The following RASSF8 variants were observed in gnomAD, a reference collection of about 807,000 sequenced individuals.
RASSF8 encodes ras association domain-containing protein 8.
In RASSF8, 22 loss-of-function variants were observed where a neutral mutation model predicts 48.5. That is an observed-to-expected ratio of 0.45 (90% CI 0.32 to 0.65). The LOEUF is 0.65. Ranked by LOEUF, RASSF8 falls within the 30% of genes least tolerant of loss-of-function variation. The pLI is 0.03. For synonymous variants in RASSF8, 127 were observed against 171.5 expected, an observed-to-expected ratio of 0.74 and a Z score of 2.03; for missense variants, 418 against 489.2, an observed-to-expected ratio of 0.85 and a Z score of 1.37.
intron 2 of RASSF8, among the ~76,000 whole-genome samples, chr12:26,047,641 C>T (rs1213984981): frequency 6.6e-6 from 1 of 152,026 alleles, no homozygotes; most frequent in Non-Finnish European, 1.5e-5. Context: ...CTATGAAAGG[C>T]GAGACATATT....
chr12:26,037,150 C>T (rs1943170762), intron 2 of RASSF8, among the ~76,000 whole-genome samples: 1 of 152,142 alleles, frequency 6.6e-6, no homozygotes, highest in Non-Finnish European at 1.5e-5. Flanking sequence ...AATTGCTTGA[C>T]AGTGCTGTAC....
chr12:26,077,504 A>G (rs1029083633), downstream of RASSF8, among the ~76,000 whole-genome samples: 1 of 152,200 alleles, frequency 6.6e-6, no homozygotes, highest in African/African-American at 2.4e-5. Context: ...TCCCAGCACC[A>G]TTTATTAAAT....
chr12:25,980,307 C>T (rs940621879), intron 1 of RASSF8, among the ~76,000 whole-genome samples: 2 of 152,086 alleles, frequency 1.3e-5, no homozygotes, highest in South Asian at 4.1e-4. Context: ...TGACTCTTTC[C>T]GTAATCTATT....
intron 2 of RASSF8, among the ~76,000 whole-genome samples, chr12:26,025,916 T>C (rs1942902705): frequency 6.6e-6 from 1 of 152,128 alleles, no homozygotes. Context: ...CATCTCATGT[T>C]CATGGATCTG....
chr12:26,025,080 C>G (rs952431883), intron 2 of RASSF8, among the ~76,000 whole-genome samples: 1 of 152,110 alleles, frequency 6.6e-6, no homozygotes, highest in Non-Finnish European at 1.5e-5. Context: ...AAACATTCAA[C>G]AAACTAGGAA....
intron 3 of RASSF8, among the ~76,000 whole-genome samples, chr12:26,057,049 G>A (rs1172883865): frequency 1.3e-5 from 2 of 151,792 alleles, no homozygotes; most frequent in Non-Finnish European, 2.9e-5. Flanking sequence ...TTTTACAAAA[G>A]TCAAGGTAGT....
chr12:25,993,028 T>C lies in RASSF8; in HGVS notation c.-202-2009T>C, dbSNP rs527771356. On this transcript the variant is annotated intron_variant, in intron 1 of 5. Coordinates refer to ENST00000689635, the MANE Select transcript of RASSF8 (RefSeq NM_001394098.1). ...TTGAGTAGTTAGGAGGTTGTAGGAATCAATGGGGAGCTGAGGGTGGGGGGC... is the reference window on the plus strand; with the variant it reads ...TTGAGTAGTTAGGAGGTTGTAGGAACCAATGGGGAGCTGAGGGTGGGGGGC... Among the ~76,000 whole-genome samples the C allele has an allele frequency of 3.2e-4, 48 of 152,232 alleles. No homozygotes were observed. In the South Asian group the frequency reaches 9.8e-3, roughly 31 times the overall value.
At chr12:26,031,059 C>G (rs1592286590) in intron 2 of RASSF8, among the ~76,000 whole-genome samples, 1 of 152,290 alleles carries the variant, frequency 6.6e-6, no homozygotes, top group East Asian at 1.9e-4. Flanking sequence ...GCAGCTTTTA[C>G]TGCTGCAGCT....
chr12:25,976,227 C>G (rs1195164900), intron 1 of RASSF8, among the ~76,000 whole-genome samples: 3 of 152,166 alleles, frequency 2.0e-5, no homozygotes, highest in Non-Finnish European at 4.4e-5. Flanking sequence ...CTGTAACCCT[C>G]CGCTTAAGGA....
At chr12:25,965,035 C>T (rs573417775) in intron 1 of RASSF8, among the ~76,000 whole-genome samples, 2 of 151,724 alleles carry the variant, frequency 1.3e-5, no homozygotes, top group South Asian at 2.1e-4. Context: ...CTCCGCCTCC[C>T]GGGTTCATGC....
intron 2 of RASSF8, among the ~76,000 whole-genome samples, chr12:26,033,039 T>C (rs1943061485): frequency 6.6e-6 from 1 of 152,242 alleles, no homozygotes; most frequent in Non-Finnish European, 1.5e-5. Flanking sequence ...CTGTCTTCTT[T>C]AGAGTAGCAA....
chr12:26,048,423 A>G (rs1943418890), intron 2 of RASSF8, among the ~76,000 whole-genome samples: 1 of 152,180 alleles, frequency 6.6e-6, no homozygotes, highest in Non-Finnish European at 1.5e-5. Context: ...GGGGAAAAAA[A>G]GAAAAGAAAG....
exon 6 of RASSF8, chr12:26,079,608 A>T (rs1323885158): frequency 6.6e-6 from 1 of 151,714 alleles, no homozygotes; most frequent in Non-Finnish European, 1.5e-5. Flanking sequence ...AAAAAAATAG[A>T]TATTTTTCCA....
intron 2 of RASSF8, chr12:26,021,492 C>T (rs1942786244): frequency 6.6e-6 from 1 of 152,280 alleles, no homozygotes; most frequent in Non-Finnish European, 1.5e-5. Context: ...TCCCCTCCAG[C>T]TTTAAGTTAC....
At chr12:26,064,394 C>A (rs939697801) in intron 3 of RASSF8, 104 bp from the exon 4 acceptor site, 19 of 1,171,138 alleles carry the variant, frequency 1.6e-5, no homozygotes, top group Admixed American at 2.6e-5. Context: ...ACTTGACCCT[C>A]TGATGCTAAT....
At chr12:26,009,907 G>A (rs1942481976) in intron 2 of RASSF8, among the ~76,000 whole-genome samples, 1 of 152,234 alleles carries the variant, frequency 6.6e-6, no homozygotes, top group South Asian at 2.1e-4. Flanking sequence ...CAAAAGGAAA[G>A]TAATCAGTGG....
chr12:25,980,349 GTCATTA>G (rs1158376209), intron 1 of RASSF8, among the ~76,000 whole-genome samples: 2 of 152,098 alleles, frequency 1.3e-5, no homozygotes, highest in Non-Finnish European at 1.5e-5. Context: ...CAACAAAATG[GTCATTA>G]TCTTTAATTT....
chr12:26,023,400 T>C (rs924390763), intron 2 of RASSF8, among the ~76,000 whole-genome samples: 2 of 152,178 alleles, frequency 1.3e-5, no homozygotes, highest in African/African-American at 4.8e-5. Flanking sequence ...AGAAAAGTGT[T>C]ATTGCTTAAA....
chr12:26,041,674 C>T (rs535481643), intron 2 of RASSF8, among the ~76,000 whole-genome samples: 3 of 136,626 alleles, frequency 2.2e-5, no homozygotes, highest in South Asian at 2.5e-4. Context: ...CATACATAAA[C>T]ATATATATAT....
Sources: gnomAD v4.1 joint callset for allele counts (sites outside exome capture counted in the v4.1 genomes callset) on GRCh38, gnomAD v4.1.1 for gene constraint, MANE v1.5 for transcripts, NCBI Gene and HGNC (gene_info 2026-07-23, HGNC 2026-07-21) for gene names.